SYT17: variants seen among roughly 807,000 people sequenced by gnomAD.
SYT17 encodes the protein synaptotagmin-17.
A neutral mutation model predicts 46.7 loss-of-function variants in SYT17; 22 were observed. That is an observed-to-expected ratio of 0.47 (90% confidence interval 0.34 to 0.67). The LOEUF (loss-of-function observed/expected upper bound fraction) is 0.67. SYT17 is among the 30% of genes least tolerant of loss of function. The pLI, the probability that SYT17 is intolerant of heterozygous loss-of-function variation, is 0.01. For synonymous variants in SYT17, 251 were observed against 248.4 expected (o/e 1.01, Z -0.10); for missense variants, 519 against 612.8 (o/e 0.85, Z 1.62).
intron 5 of SYT17, among the ~76,000 whole-genome samples, chr16:19,188,380 T>C (rs1196713958): frequency 2.0e-5 from 3 of 151,882 alleles, no homozygotes; most frequent in East Asian, 3.9e-4. Context: ...AAACAACTAA[T>C]GGGTACTAGG....
At chr16:19,236,433 A>C (rs78985940) in intron 7 of SYT17, among the ~76,000 whole-genome samples, 4,576 of 152,244 alleles carry the variant, frequency 0.03, 233 homozygotes, top group African/African-American at 0.11. Context: ...GCAGAGTGAG[A>C]GAACAGTTCA....
intron 5 of SYT17, among the ~76,000 whole-genome samples, chr16:19,205,513 C>T (rs758778374): frequency 1.4e-4 from 21 of 151,942 alleles, no homozygotes; most frequent in Non-Finnish European, 2.6e-4. Context: ...GATCTCAGCT[C>T]CCTGCAACCC....
chr16:19,234,947 T>A (rs1966828476), intron 7 of SYT17, among the ~76,000 whole-genome samples: 1 of 152,176 alleles, frequency 6.6e-6, no homozygotes. Context: ...TGGTATGATG[T>A]CTGGGAGCCA....
intron 3 of SYT17, among the ~76,000 whole-genome samples, chr16:19,179,607 A>G (rs1022834846): frequency 6.6e-6 from 1 of 152,196 alleles, no homozygotes; most frequent in African/African-American, 2.4e-5. Flanking sequence ...AGTGTTTACA[A>G]CCACCGTATA....
intron 5 of SYT17, among the ~76,000 whole-genome samples, chr16:19,196,219 C>T (rs1244725186): frequency 6.6e-6 from 1 of 151,446 alleles, no homozygotes; most frequent in East Asian, 1.9e-4. Flanking sequence ...ATAACCATGC[C>T]CCAGGCAGAC....
intron 5 of SYT17, among the ~76,000 whole-genome samples, chr16:19,208,673 A>T (rs1056570046): frequency 6.6e-6 from 1 of 151,972 alleles, no homozygotes; most frequent in Non-Finnish European, 1.5e-5. Flanking sequence ...CAAAGCTATT[A>T]TCTGTACCAG....
intron 5 of SYT17, among the ~76,000 whole-genome samples, chr16:19,220,303 C>CTTTTTTTTTTTTTTTTTTTTTTTTTTTTT (rs1555459738): frequency 1.2e-5 from 1 of 80,514 alleles, no homozygotes; most frequent in Non-Finnish European, 2.2e-5. Flanking sequence ...TTCTTTCTTT[C>CTTTTTTTTTTTTTTTTTTTTTTTTTTTTT]TTTTTTTTTT....
At position 19,184,151 on chromosome 16, in the gene SYT17, A is replaced by AGGGAT; in HGVS notation, c.951+8_951+12dup. 1 of 1,612,016 alleles carries AGGGAT rather than the reference A, an allele frequency of 6.2e-7. No homozygotes were observed. The highest frequency in any genetic ancestry group is 8.5e-7 in the Non-Finnish European group (1 of 1,178,242). ...GGCGCTGATTCCCAGTTCTCAGGTA[A>AGGGAT]GGGATGGGTTTGTGGTGTTTCCTCC... On this transcript the variant is annotated splice_donor_region_variant and intron_variant, in intron 5 of 7. Coordinates refer to ENST00000355377, the MANE Select transcript of SYT17 (RefSeq NM_016524.4).
chr16:19,193,535 C>T (rs549015601), intron 5 of SYT17, among the ~76,000 whole-genome samples: 4 of 152,308 alleles, frequency 2.6e-5, no homozygotes, highest in Non-Finnish European at 5.9e-5. Context: ...GAAGCAGAGT[C>T]TGTGCGTGTG....
At chr16:19,243,691 G>T (rs1469418164) in intron 7 of SYT17, among the ~76,000 whole-genome samples, 1 of 151,704 alleles carries the variant, frequency 6.6e-6, no homozygotes, top group African/African-American at 2.4e-5. Context: ...GGTGACTCAT[G>T]CCTGTAATCC....
chr16:19,189,320 G>A (rs991048673), intron 5 of SYT17, among the ~76,000 whole-genome samples: 61 of 149,418 alleles, frequency 4.1e-4, no homozygotes, highest in African/African-American at 1.4e-3. Context: ...GATACTGGGG[G>A]TTAGGACCTC....
In SYT17 at chr16:19,183,858, G is replaced by C; in HGVS notation, c.662G>C (p.Arg221Pro). The C allele has an allele frequency of 6.2e-7, 1 of 1,614,122 alleles. No individual in the cohort carries two copies. The highest frequency in any genetic ancestry group is 8.5e-7 in the Non-Finnish European group (1 of 1,180,030). ...LPPPISHDGS[R>P]QDMAHSNPYV... is the part of the protein sequence containing the mutation. The stretch of plus-strand genomic sequence containing the variant: ...CCTCCCATCTCCCACGATGGCTCGC[G>C]CCAGGACATGGCGCACTCCAACCCC... Residue 221 changes from arginine to proline, a missense_variant, in exon 5 of 8, where the codon CGC becomes CCC. By Grantham distance (103) the Arg-to-Pro change is moderately radical. Transcript: ENST00000355377. The surrounding 1 kb of genome is among the most constrained non-coding windows in gnomAD (Gnocchi z 5.6).
In SYT17 at chr16:19,168,511, C is replaced by A; in HGVS notation, c.-136C>A. ...AGGGGCGGGCGCCGCTCATCAGCCA[C>A]GCCAGTCACGTCTGGGGCCACCGGC... On this transcript the variant is annotated 5_prime_UTR_variant, in exon 1 of 8. Transcript: ENST00000355377. This position sits in a 1 kb window ranked among gnomAD's most constrained non-coding sequence, Gnocchi z 6.9. The A allele has an allele frequency of 7.9e-7, 1 of 1,265,532 alleles. No homozygotes were observed. 78.4% of individuals were successfully genotyped at this position (1,265,532 alleles called of 1,614,324 possible).
chr16:19,265,060 A>G (rs1228575163), intron 7 of SYT17, among the ~76,000 whole-genome samples: 1 of 152,186 alleles, frequency 6.6e-6, no homozygotes, highest in Non-Finnish European at 1.5e-5. Context: ...TCATAATAGT[A>G]TCTTATTTTA....
In SYT17 at chr16:19,241,583, C is replaced by T. The variant is rs142009818; in HGVS notation, c.1228+16745C>T. ...TCCTCACTGGGTCGCTCTCTGCCCACTCCTCCATGCCTGACTGCATTGCTC... is the reference window on the plus strand; with the variant it reads ...TCCTCACTGGGTCGCTCTCTGCCCATTCCTCCATGCCTGACTGCATTGCTC... On this transcript the variant is annotated intron_variant, in intron 7 of 7. Coordinates refer to ENST00000355377, the MANE Select transcript of SYT17 (RefSeq NM_016524.4). Among the ~76,000 whole-genome samples the T allele has an allele frequency of 3.2e-3, 493 of 152,320 alleles. 4 individuals carry two copies. The highest frequency in any genetic ancestry group is 9.6e-3 in the African/African-American group (400 of 41,560).
chr16:19,257,728 C>T (rs756976), intron 7 of SYT17, among the ~76,000 whole-genome samples: 106,351 of 151,918 alleles, frequency 0.7, 38,175 homozygotes, highest in East Asian at 0.99. Flanking sequence ...TTTTCAGGAA[C>T]AGGGGAACAT....
At position 19,266,865 on chromosome 16, in the gene SYT17, C is replaced by A; in HGVS notation, c.1229-15C>A. On this transcript the variant is annotated splice_polypyrimidine_tract_variant and intron_variant, in intron 7 of 7. Transcript: ENST00000355377. ...CTCTTGCCTCCCTCCTGCCCTCAAC[C>A]CTCTGGCTCCCTAGTTTTCGGCCAC... is the stretch of plus-strand genomic sequence containing the variant. 2 of 1,610,310 alleles carry A rather than the reference C, an allele frequency of 1.2e-6. No individual in the cohort carries two copies. Among genetic ancestry groups the A allele is most frequent in the South Asian group, 1.1e-5 (1 of 90,610 alleles).
chr16:19,248,187 A>C (rs774842032), intron 7 of SYT17, among the ~76,000 whole-genome samples: 2 of 152,178 alleles, frequency 1.3e-5, no homozygotes, highest in East Asian at 3.8e-4. Context: ...CTACACACCC[A>C]CTAGTACAGT....
chr16:19,186,481 C>G (rs1964796078), intron 5 of SYT17, among the ~76,000 whole-genome samples: 1 of 152,090 alleles, frequency 6.6e-6, no homozygotes, highest in South Asian at 2.1e-4. Flanking sequence ...GAGGCCTTGT[C>G]TCTAAAAAAA....
Sources: allele counts gnomAD v4.1 joint callset (sites outside exome capture counted in the v4.1 genomes callset), GRCh38; gene constraint gnomAD v4.1.1; non-coding constraint Gnocchi (gnomAD v3.1); transcripts MANE v1.5; gene names NCBI Gene and HGNC (gene_info 2026-07-23, HGNC 2026-07-21).